MAML2: variants seen among roughly 807,000 people sequenced by gnomAD.
The protein encoded by MAML2 is mastermind-like protein 2.
A neutral mutation model predicts 96.1 loss-of-function variants in MAML2; 22 were observed. The ratio of observed to expected loss-of-function variants is 0.23; its 90% CI spans 0.16 to 0.33. MAML2 has a LOEUF of 0.33. Among genes scored for constraint, MAML2 ranks in the 10% least tolerant of loss-of-function variants. The pLI, the probability that MAML2 is intolerant of heterozygous loss-of-function variation, is 1.00. For missense variants in MAML2, 1,367 were observed against 1,392.4 expected (o/e 0.98, Z 0.29); for synonymous variants, 561 against 521.3 (o/e 1.08, Z -1.04).
intron 1 of MAML2, among the ~76,000 whole-genome samples, chr11:96,217,341 G>A (rs1862065542): frequency 6.6e-6 from 1 of 152,116 alleles, no homozygotes; most frequent in African/African-American, 2.4e-5. Context: ...AATATAATAG[G>A]ACATGGTGAC....
chr11:96,046,336 G>T (rs1015024416), intron 2 of MAML2, among the ~76,000 whole-genome samples: 3 of 151,646 alleles, frequency 2.0e-5, no homozygotes, highest in African/African-American at 4.8e-5. Flanking sequence ...GGATGGAAGG[G>T]TTTTTTTTGT....
chr11:96,337,276 T>C (rs1412911392), intron 1 of MAML2, among the ~76,000 whole-genome samples: 2 of 152,214 alleles, frequency 1.3e-5, no homozygotes, highest in Non-Finnish European at 2.9e-5. Context: ...TAGACAGCCA[T>C]AGATACCCAG....
intron 1 of MAML2, among the ~76,000 whole-genome samples, chr11:96,320,087 C>A (rs1388414168): frequency 6.6e-6 from 1 of 152,222 alleles, no homozygotes; most frequent in Non-Finnish European, 1.5e-5. Context: ...AAGAGACATG[C>A]AAACTAGACA....
intron 1 of MAML2, among the ~76,000 whole-genome samples, chr11:96,222,578 G>A (rs1862156563): frequency 6.6e-6 from 1 of 152,320 alleles, no homozygotes; most frequent in African/African-American, 2.4e-5. Context: ...GAATGCAAGG[G>A]ATAATGAGAT....
chr11:96,065,852 G>A (rs954198893), intron 2 of MAML2, among the ~76,000 whole-genome samples: 20 of 152,174 alleles, frequency 1.3e-4, no homozygotes, highest in Non-Finnish European at 2.6e-4. Flanking sequence ...CCTTGCACTG[G>A]GAGAACATGG....
At chr11:96,256,430 C>T (rs951157591) in intron 1 of MAML2, among the ~76,000 whole-genome samples, 32 of 152,260 alleles carry the variant, frequency 2.1e-4, no homozygotes, top group African/African-American at 7.7e-4. Flanking sequence ...CCACACACAG[C>T]CTTTGCTCTT....
At chr11:96,145,540 C>A (rs776292680) in intron 1 of MAML2, among the ~76,000 whole-genome samples, 6 of 152,290 alleles carry the variant, frequency 3.9e-5, no homozygotes, top group Admixed American at 6.5e-5. Context: ...AACTGCCTGG[C>A]ACAGTGGAAG....
intron 1 of MAML2, among the ~76,000 whole-genome samples, chr11:96,298,541 C>T (rs1323394883): frequency 1.3e-5 from 2 of 151,872 alleles, no homozygotes; most frequent in East Asian, 1.9e-4. Flanking sequence ...GAGACAAGGC[C>T]ATTTGCTAAG....
intron 1 of MAML2, among the ~76,000 whole-genome samples, chr11:96,110,842 C>T (rs1275220422): frequency 5.3e-5 from 8 of 152,152 alleles, no homozygotes; most frequent in Admixed American, 4.6e-4. Context: ...AAATAGTATC[C>T]TATTTGATCT....
chr11:96,201,447 T>A (rs1373146045), intron 1 of MAML2, among the ~76,000 whole-genome samples: 1 of 152,118 alleles, frequency 6.6e-6, no homozygotes, highest in Non-Finnish European at 1.5e-5. Context: ...TAGTTTGGAG[T>A]TTTGTTCAAT....
intron 1 of MAML2, among the ~76,000 whole-genome samples, chr11:96,279,686 A>G (rs1863039218): frequency 6.6e-6 from 1 of 152,170 alleles, no homozygotes; most frequent in Non-Finnish European, 1.5e-5. Flanking sequence ...TGTCATACCT[A>G]TGGCTCACCT....
At chr11:96,113,112 T>A (rs1860159389) in intron 1 of MAML2, among the ~76,000 whole-genome samples, 1 of 143,944 alleles carries the variant, frequency 6.9e-6, no homozygotes. Flanking sequence ...TTCTAGAAAA[T>A]AGATGGGAAG....
At chr11:96,088,031 A>G (rs983268566) in intron 2 of MAML2, among the ~76,000 whole-genome samples, 9 of 152,196 alleles carry the variant, frequency 5.9e-5, no homozygotes, top group Admixed American at 6.5e-5. Context: ...CTGTGTGTTC[A>G]TCCTTAAGAT....
intron 1 of MAML2, among the ~76,000 whole-genome samples, chr11:96,103,405 T>C (rs1859966956): frequency 6.6e-6 from 1 of 152,226 alleles, no homozygotes; most frequent in African/African-American, 2.4e-5. Context: ...ATAAGCCATA[T>C]AGCTGATTCT....
chr11:96,243,817 C>T (rs1010785533), intron 1 of MAML2, among the ~76,000 whole-genome samples: 10 of 152,082 alleles, frequency 6.6e-5, no homozygotes, highest in African/African-American at 2.4e-4. Context: ...CCACGCCTGG[C>T]TAATTTTTTG....
intron 2 of MAML2, among the ~76,000 whole-genome samples, chr11:96,017,305 C>A (rs1260093271): frequency 6.6e-6 from 1 of 152,132 alleles, no homozygotes; most frequent in Non-Finnish European, 1.5e-5. Flanking sequence ...TGAAAAAGTG[C>A]AGGTAACTGA....
chr11:96,340,789 G>A (rs1198168528), intron 1 of MAML2, among the ~76,000 whole-genome samples: 2 of 152,150 alleles, frequency 1.3e-5, no homozygotes, highest in Non-Finnish European at 2.9e-5. Context: ...TTAAGAAACA[G>A]TGCCTCCCTA....
intron 2 of MAML2, among the ~76,000 whole-genome samples, chr11:96,081,188 T>C (rs1413222980): frequency 6.6e-6 from 1 of 152,088 alleles, no homozygotes; most frequent in African/African-American, 2.4e-5. Flanking sequence ...GTGAAAACTA[T>C]TGAAATACAT....
chr11:96,034,267 A>G (rs1858664029), intron 2 of MAML2, among the ~76,000 whole-genome samples: 1 of 152,206 alleles, frequency 6.6e-6, no homozygotes, highest in Non-Finnish European at 1.5e-5. Flanking sequence ...ATCACTCATA[A>G]AGTCTGGGTT....
Sources: gnomAD v4.1 joint callset for allele counts (sites outside exome capture counted in the v4.1 genomes callset) on GRCh38, gnomAD v4.1.1 for gene constraint, MANE v1.5 for transcripts, NCBI Gene and HGNC (gene_info 2026-07-23, HGNC 2026-07-21) for gene names.